PTPRD: variants seen among roughly 807,000 people sequenced by gnomAD.
PTPRD encodes protein tyrosine phosphatase receptor type D, also known as receptor-type tyrosine-protein phosphatase delta.
PTPRD carries 34 observed loss-of-function variants against 214.5 expected under a neutral mutation model. That is an observed-to-expected ratio of 0.16 (90% CI 0.12 to 0.21). The LOEUF (loss-of-function observed/expected upper bound fraction) is 0.21, where lower values mean the gene tolerates loss of function less well. Among genes scored for constraint, PTPRD ranks in the 10% least tolerant of loss-of-function variants. The pLI is 1.00. For synonymous variants in PTPRD, 1,128 were observed against 845.7 expected, an observed-to-expected ratio of 1.33 and a Z score of -5.79; for missense variants, 2,545 against 2,398.7, an observed-to-expected ratio of 1.06 and a Z score of -1.27.
At chr9:9,917,929 A>G (rs2153837907) in intron 5 of PTPRD, among the ~76,000 whole-genome samples, 1 of 152,158 alleles carries the variant, frequency 6.6e-6, no homozygotes, top group East Asian at 1.9e-4. Flanking sequence ...TCTCAGCATA[A>G]TGGAGGTCAT....
rs2081362646 is a variant in PTPRD, at chr9:10,612,888, G to GC, written c.-909dup. Among the ~76,000 whole-genome samples, 1 of 151,866 alleles carries GC rather than the reference G, an allele frequency of 6.6e-6. No homozygotes were observed. The highest frequency in any genetic ancestry group is 1.5e-5 in the Non-Finnish European group (1 of 67,950). ...CGAGGCTCTGTCGGGGCGAGGCGCT[G>GC]CCCCCACGCGCTCCGGCCGCCGGCT... On this transcript the variant is annotated 5_prime_UTR_variant, in exon 1 of 46. Coordinates refer to ENST00000381196, the MANE Select transcript of PTPRD (RefSeq NM_002839.4).
chr9:10,182,817 T>C (rs1365969336), intron 3 of PTPRD, among the ~76,000 whole-genome samples: 4 of 152,172 alleles, frequency 2.6e-5, no homozygotes, highest in Admixed American at 1.3e-4. Flanking sequence ...CAATACTTTA[T>C]GACAGTATGC....
chr9:8,962,962 T>C (rs1778723920), intron 11 of PTPRD: 1 of 152,022 alleles, frequency 6.6e-6, no homozygotes, highest in South Asian at 2.1e-4. Flanking sequence ...ACACAAAAGA[T>C]TTCCCAGCAG....
At chr9:9,849,856 T>A (rs1269141172) in intron 5 of PTPRD, among the ~76,000 whole-genome samples, 11 of 152,092 alleles carry the variant, frequency 7.2e-5, no homozygotes, top group South Asian at 6.2e-4. Flanking sequence ...GAAACTGTAG[T>A]AGTTAGGTAC....
intron 10 of PTPRD, among the ~76,000 whole-genome samples, chr9:9,063,607 C>G (rs764468817): frequency 4.6e-5 from 7 of 152,156 alleles, no homozygotes; most frequent in Non-Finnish European, 8.8e-5. Context: ...GAATTCTTAG[C>G]ATCCAGAACA....
Position 10,456,867 on chromosome 9 carries a change from C to G in PTPRD, c.-599-115850G>C, listed in dbSNP as rs953235984. ...AATTCATTGCATATATATAGGCTGC[C>G]CCCAATTCATGAACAGGTAGTAGTC... On this transcript the variant is annotated intron_variant, in intron 2 of 45. Transcript: ENST00000381196. Among the ~76,000 whole-genome samples, 5 of 151,804 alleles carry G rather than the reference C, an allele frequency of 3.3e-5. No individual in the cohort carries two copies. The East Asian group carries it at 9.7e-4, about 29-fold the overall frequency.
chr9:10,240,815 A>AT (rs2099644900), intron 3 of PTPRD, among the ~76,000 whole-genome samples: 2 of 151,902 alleles, frequency 1.3e-5, no homozygotes, highest in Admixed American at 1.3e-4. Context: ...CTTAGACAGG[A>AT]TTTTTGAATC....
At chr9:9,902,649 C>T (rs1265777432) in intron 5 of PTPRD, among the ~76,000 whole-genome samples, 2 of 152,106 alleles carry the variant, frequency 1.3e-5, no homozygotes, top group Non-Finnish European at 2.9e-5. Context: ...TAGTTGCTGG[C>T]TTGTGAAGGT....
chr9:8,733,003 A>C (rs1160122708), intron 12 of PTPRD, among the ~76,000 whole-genome samples: 1 of 152,230 alleles, frequency 6.6e-6, no homozygotes, highest in Non-Finnish European at 1.5e-5. Flanking sequence ...CAGGGAGTAC[A>C]AGGCCGAGAC....
rs563017593 is a variant in PTPRD, at chr9:8,540,567, C to T, written c.353-11788G>A. Among the ~76,000 whole-genome samples, 9 of 152,204 alleles carry T rather than the reference C, an allele frequency of 5.9e-5. No individual in the cohort carries two copies. The East Asian group carries it at 1.5e-3, about 26-fold the overall frequency. ...TTTTTATTTAGAGAAATGATAAAGT[C>T]TGATAAAAATTTAAGATAGAAGACA... is the stretch of plus-strand genomic sequence containing the variant. On this transcript the variant is annotated intron_variant, in intron 14 of 45. Coordinates refer to ENST00000381196, the MANE Select transcript of PTPRD (RefSeq NM_002839.4).
At chr9:9,227,304 T>G (rs997332967) in intron 9 of PTPRD, among the ~76,000 whole-genome samples, 3 of 152,140 alleles carry the variant, frequency 2.0e-5, no homozygotes, top group African/African-American at 4.8e-5. Context: ...GTTAGTAGTA[T>G]TATTTGCACG....
intron 11 of PTPRD, among the ~76,000 whole-genome samples, chr9:8,900,887 G>A (rs2154251314): frequency 6.6e-6 from 1 of 152,280 alleles, no homozygotes; most frequent in African/African-American, 2.4e-5. Flanking sequence ...GGCTTTGAAA[G>A]CCAAAACTGA....
chr9:9,742,520 C>G (rs866773204), intron 6 of PTPRD, among the ~76,000 whole-genome samples: 1 of 151,982 alleles, frequency 6.6e-6, no homozygotes, highest in African/African-American at 2.4e-5. Context: ...GAAAAGGGTA[C>G]TATTCATACC....
chr9:9,283,186 T>C (rs1948326875), intron 9 of PTPRD, among the ~76,000 whole-genome samples: 1 of 151,558 alleles, frequency 6.6e-6, no homozygotes, highest in Non-Finnish European at 1.5e-5. Flanking sequence ...GCTTGATCTA[T>C]GCTTTCTATG....
chr9:9,420,671 C>G (rs1223518511), intron 8 of PTPRD, among the ~76,000 whole-genome samples: 1 of 151,840 alleles, frequency 6.6e-6, no homozygotes, highest in African/African-American at 2.4e-5. Context: ...ATTGATGACA[C>G]TGAGCAAATA....
At chr9:8,969,507 A>G (rs2099222984) in intron 11 of PTPRD, among the ~76,000 whole-genome samples, 1 of 152,114 alleles carries the variant, frequency 6.6e-6, no homozygotes, top group Non-Finnish European at 1.5e-5. Context: ...CAAGACTATA[A>G]ATCAGATCAA....
intron 30 of PTPRD, among the ~76,000 whole-genome samples, chr9:8,477,159 A>C (rs940172729): frequency 5.3e-5 from 8 of 152,080 alleles, no homozygotes; most frequent in Admixed American, 1.3e-4. Context: ...AGCTAGCTTT[A>C]TATATGGGTA....
chr9:10,066,750 C>G (rs2097893812), intron 3 of PTPRD, among the ~76,000 whole-genome samples: 2 of 151,920 alleles, frequency 1.3e-5, no homozygotes, highest in Admixed American at 6.6e-5. Context: ...TTTCACTAAA[C>G]AAAAGCATTT....
intron 35 of PTPRD, among the ~76,000 whole-genome samples, chr9:8,428,510 G>C (rs1271131584): frequency 6.6e-6 from 1 of 151,996 alleles, no homozygotes; most frequent in African/African-American, 2.4e-5. Flanking sequence ...AAAATACTTA[G>C]AAATGGAGGC....
Sources: gnomAD v4.1 joint callset for allele counts (sites outside exome capture counted in the v4.1 genomes callset) on GRCh38, gnomAD v4.1.1 for gene constraint, MANE v1.5 for transcripts, NCBI Gene and HGNC (gene_info 2026-07-23, HGNC 2026-07-21) for gene names.